Variants in BLOC1S5 observed in about 807,000 individuals in gnomAD.
The protein encoded by BLOC1S5 is biogenesis of lysosomal organelles complex 1 subunit 5.
Under a neutral mutation model 24.3 loss-of-function variants are expected in BLOC1S5, and 27 were observed. The observed-to-expected ratio is 1.11, with a 90% CI of 0.82 to 1.53. The LOEUF (loss-of-function observed/expected upper bound fraction) is 1.53. BLOC1S5 is among the 40% of genes most tolerant of loss of function. The pLI, the probability that BLOC1S5 is intolerant of heterozygous loss-of-function variation, is 0.00. For missense variants in BLOC1S5, 239 were observed against 229.4 expected (o/e 1.04, Z -0.27); for synonymous variants, 84 against 74.5 (o/e 1.13, Z -0.66).
intron 2 of BLOC1S5, among the ~76,000 whole-genome samples, chr6:8,041,655 C>CTTTTTTTTTTTTTTTTTTTTTT (rs1554139177): frequency 8.9e-6 from 1 of 111,870 alleles, no homozygotes; most frequent in African/African-American, 3.2e-5. Context: ...TTCTTTCTTT[C>CTTTTTTTTTTTTTTTTTTTTTT]TTTTTTTTTG....
rs1330695152 is a variant in BLOC1S5 at position 8,064,326 on chromosome 6, G to A, written c.51C>T (p.Gly17=). 7 of 1,613,050 alleles carry A rather than the reference G, an allele frequency of 4.3e-6. No homozygotes were observed. In the East Asian group the frequency reaches 6.7e-5, roughly 15 times the overall value. Residue 17 remains glycine, a synonymous_variant, in exon 1 of 5, where the codon GGC becomes GGT. Coordinates refer to ENST00000397457, the MANE Select transcript of BLOC1S5 (RefSeq NM_201280.3). ...ETPVGCEAAP[G]GGSKKRDSLG... is the part of the protein sequence containing the mutation. ...GGGAGTCCCTCTTCTTGCTGCCACC[G>A]CCCGGGGCGGCCTCACAACCCACAG...
rs1483755027 is a variant in BLOC1S5, at chr6:8,041,156, C to T, written c.308G>A (p.Ser103Asn). ...TGACTCACATCTCTGGAGAACCTGG[C>T]TGAGGCTGTCCCGCATTGTGTCTCT... ...KCRDTMRDSL[S>N]QVLQRLQAAN... Residue 103 changes from serine (S) to asparagine (N), a missense_variant, in exon 3 of 5, where the codon AGC becomes AAC. Ser to Asn is a conservative substitution (Grantham distance 46). Transcript: ENST00000397457. 1.9e-6 allele frequency: 3 copies of T among 1,602,192 alleles called. No individual in the cohort carries two copies. In the South Asian group the frequency reaches 3.4e-5, roughly 18 times the overall value.
chr6:8,016,232 G>A (rs1196327861), intron 4 of BLOC1S5, among the ~76,000 whole-genome samples: 1 of 151,984 alleles, frequency 6.6e-6, no homozygotes, highest in Non-Finnish European at 1.5e-5. Flanking sequence ...AGGCTGAGGT[G>A]GAAGAATCGC....
intron 2 of BLOC1S5, 47 bp downstream of exon 2, chr6:8,062,487 A>G (rs1490891242): frequency 8.4e-7 from 1 of 1,185,992 alleles, no homozygotes; most frequent in East Asian, 2.5e-5. Flanking sequence ...ATAATAACAC[A>G]CTAACAATTA....
chr6:8,044,559 G>A (rs1270014204), intron 2 of BLOC1S5, among the ~76,000 whole-genome samples: 1 of 152,140 alleles, frequency 6.6e-6, no homozygotes, highest in Non-Finnish European at 1.5e-5. Flanking sequence ...AAGAAGACAG[G>A]AAAATGTAAG....
At chr6:8,034,442 C>T (rs7749481) in intron 3 of BLOC1S5, among the ~76,000 whole-genome samples, 23,785 of 152,100 alleles carry the variant, frequency 0.16, 1,934 homozygotes, top group Admixed American at 0.19. Context: ...CCCCCTTGGA[C>T]ACAGGGCAGG....
intron 2 of BLOC1S5, among the ~76,000 whole-genome samples, chr6:8,058,357 GAAAAAAAAAAAAA>G (rs60827828): frequency 2.0e-4 from 17 of 84,548 alleles, no homozygotes; most frequent in East Asian, 5.7e-4. Context: ...CTGTCTCTAT[GAAAAAAAAAAAAA>G]AAAAAAAAAA....
rs1019632517 is a variant in BLOC1S5 at position 8,014,475 on chromosome 6, T to C, written c.*1174A>G. 3 of 152,344 alleles carry C rather than the reference T, an allele frequency of 2.0e-5. No homozygotes were observed. The highest frequency in any genetic ancestry group is 2.0e-4 in the Admixed American group (3 of 15,302). The allele number at this position is 152,344 out of a possible 1,614,324, so 9.4% of individuals were successfully genotyped here. A position where few individuals can be genotyped will look rare whatever the true frequency, so the allele number is the denominator to read the frequency against. ...TTTTAGTAGAGACGGGGTTTCACCA[T>C]GTTGGCCAGGCTAGGCTTGAACTCC... is the stretch of plus-strand genomic sequence containing the variant. On this transcript the variant is annotated 3_prime_UTR_variant, in exon 5 of 5. Transcript: ENST00000397457.
At chr6:8,017,068 A>G (rs1179291376) in intron 4 of BLOC1S5, among the ~76,000 whole-genome samples, 1 of 152,266 alleles carries the variant, frequency 6.6e-6, no homozygotes, top group East Asian at 1.9e-4. Context: ...ATAAATAAAA[A>G]AGGTATGAAT....
chr6:8,040,618 G>C (rs1283538259), intron 3 of BLOC1S5, among the ~76,000 whole-genome samples: 2 of 152,186 alleles, frequency 1.3e-5, no homozygotes, highest in Non-Finnish European at 1.5e-5. Flanking sequence ...CCAGCACTTG[G>C]GAGGCCGAGG....
chr6:8,027,493 A>C (rs1581401220), intron 3 of BLOC1S5: 1 of 452,462 alleles, frequency 2.2e-6, no homozygotes, highest in East Asian at 7.0e-5. Flanking sequence ...AAAGTAAATC[A>C]TTTCAATATT....
rs1461334147 is a variant in BLOC1S5, at chr6:8,014,402, T to C, written c.*1247A>G. On this transcript the variant is annotated 3_prime_UTR_variant, in exon 5 of 5. Coordinates refer to ENST00000397457, the MANE Select transcript of BLOC1S5 (RefSeq NM_201280.3). ...GATTCTCGTGCCTCAGACTCCTGAG[T>C]AGCTGGGATTACAAGCGTGCACCAA... is the stretch of plus-strand genomic sequence containing the variant. The C allele has an allele frequency of 6.6e-6, 1 of 152,016 alleles. No individual in the cohort carries two copies. Among genetic ancestry groups the C allele is most frequent in the Non-Finnish European group, 1.5e-5 (1 of 68,050 alleles). 9.4% of individuals were successfully genotyped at this position (152,016 alleles called of 1,614,324 possible).
At position 8,014,779 on chromosome 6, in the gene BLOC1S5, CAG is replaced by C. The variant is rs1364141129; in HGVS notation, c.*868_*869del. On this transcript the variant is annotated 3_prime_UTR_variant, in exon 5 of 5. Transcript: ENST00000397457. Reference sequence around the variant, plus strand: ...ATATGGTTCCAGAGGGACTCTCTGGCAGATTTTGTTGATTACTCATTAAACAG... The same window carrying C: ...ATATGGTTCCAGAGGGACTCTCTGGCATTTTGTTGATTACTCATTAAACAG... The C allele has an allele frequency of 6.6e-6, 1 of 152,218 alleles. No homozygotes were observed. Among genetic ancestry groups the C allele is most frequent in the Non-Finnish European group, 1.5e-5 (1 of 68,040 alleles). 9.4% of individuals were successfully genotyped at this position (152,218 alleles called of 1,614,324 possible).
chr6:8,040,288 TA>T (rs1031595712), intron 3 of BLOC1S5, among the ~76,000 whole-genome samples: 3 of 151,978 alleles, frequency 2.0e-5, no homozygotes, highest in African/African-American at 7.2e-5. Context: ...GGGTTATGAT[TA>T]AAAAAATGAA....
intron 3 of BLOC1S5, among the ~76,000 whole-genome samples, chr6:8,040,769 C>T (rs780152370): frequency 2.0e-5 from 3 of 151,790 alleles, no homozygotes; most frequent in Non-Finnish European, 4.4e-5. Context: ...GGCACAAGAA[C>T]CACTTGAATC....
intron 2 of BLOC1S5, among the ~76,000 whole-genome samples, chr6:8,051,835 T>C (rs975882920): frequency 6.6e-6 from 1 of 152,182 alleles, no homozygotes; most frequent in Non-Finnish European, 1.5e-5. Flanking sequence ...TGAAGCCCAC[T>C]GTTGAGACCT....
chr6:8,053,803 T>G (rs1220549203), intron 2 of BLOC1S5, among the ~76,000 whole-genome samples: 1 of 152,184 alleles, frequency 6.6e-6, no homozygotes, highest in African/African-American at 2.4e-5. Flanking sequence ...ACATAATATA[T>G]ATATAAAATC....
intron 2 of BLOC1S5, among the ~76,000 whole-genome samples, chr6:8,061,965 T>C (rs1764529044): frequency 2.0e-5 from 3 of 152,190 alleles, no homozygotes; most frequent in Admixed American, 1.3e-4. Flanking sequence ...TCAAAGGTTT[T>C]AAAAAGTGAA....
chr6:8,040,871 A>T (rs939518253), intron 3 of BLOC1S5, among the ~76,000 whole-genome samples: 53 of 151,572 alleles, frequency 3.5e-4, no homozygotes, highest in African/African-American at 1.1e-3. Context: ...AAAAAAAAAA[A>T]TTTGTAAAAA....
Sources: allele counts gnomAD v4.1 joint callset (sites outside exome capture counted in the v4.1 genomes callset), GRCh38; gene constraint gnomAD v4.1.1; transcripts MANE v1.5; gene names NCBI Gene and HGNC (gene_info 2026-07-23, HGNC 2026-07-21).